UBR3: variants seen among roughly 807,000 people sequenced by gnomAD.
UBR3 encodes E3 ubiquitin-protein ligase UBR3.
In UBR3, 85 loss-of-function variants were observed where a neutral mutation model predicts 243.2. The ratio of observed to expected loss-of-function variants is 0.35; its 90% CI spans 0.29 to 0.42. The LOEUF (loss-of-function observed/expected upper bound fraction) is 0.42. Ranked by LOEUF, UBR3 falls within the 10% of genes least tolerant of loss-of-function variation. The probability of loss-of-function intolerance (pLI) is 1.00; values close to 1 mark genes in which losing one functional copy is unlikely to be tolerated. For synonymous variants in UBR3, 748 were observed against 799.8 expected (o/e 0.94, Z 1.09); for missense variants, 1,686 against 2,300.8 (o/e 0.73, Z 5.47).
At chr2:169,851,903 T>TGCACCGAA (rs1486105493) in intron 1 of UBR3, among the ~76,000 whole-genome samples, 1 of 151,872 alleles carries the variant, frequency 6.6e-6, no homozygotes, top group African/African-American at 2.4e-5. Context: ...AATTGGAGTG[T>TGCACCGAA]GCACCGAATA....
intron 24 of UBR3, among the ~76,000 whole-genome samples, chr2:169,969,548 CTT>C (rs199918460): frequency 8.9e-5 from 12 of 134,122 alleles, no homozygotes; most frequent in Admixed American, 7.5e-5. Context: ...CCATTTGTGT[CTT>C]TTTTTTTTTT....
At chr2:170,018,527 T>C (rs997407773) in intron 30 of UBR3, among the ~76,000 whole-genome samples, 5 of 152,182 alleles carry the variant, frequency 3.3e-5, no homozygotes, top group Admixed American at 3.3e-4. Context: ...TCTCATCTGC[T>C]GGACTTGTAT....
intron 29 of UBR3, chr2:170,015,064 G>A (rs1304226136): frequency 2.5e-6 from 1 of 401,642 alleles, no homozygotes; most frequent in Non-Finnish European, 4.4e-6. Context: ...TTTTTTGCAG[G>A]TGTAAATATG....
At chr2:169,861,348 G>A (rs1421096122) in intron 1 of UBR3, among the ~76,000 whole-genome samples, 2 of 152,156 alleles carry the variant, frequency 1.3e-5, no homozygotes, top group African/African-American at 2.4e-5. Context: ...GGTGGCTCAC[G>A]CCCGTAATCC....
At chr2:169,883,780 T>C (rs191707590) in intron 5 of UBR3, among the ~76,000 whole-genome samples, 1 of 152,346 alleles carries the variant, frequency 6.6e-6, no homozygotes, top group Admixed American at 6.5e-5. Flanking sequence ...TTTCCTTAAG[T>C]ATAGTAGTTA....
chr2:170,013,077 A>T (rs2090131987), intron 29 of UBR3, among the ~76,000 whole-genome samples: 1 of 152,134 alleles, frequency 6.6e-6, no homozygotes, highest in Non-Finnish European at 1.5e-5. Context: ...AAATATAGAA[A>T]AGAGTCTGCT....
chr2:169,966,541 A>G (rs572392431), intron 24 of UBR3, among the ~76,000 whole-genome samples: 1 of 152,274 alleles, frequency 6.6e-6, no homozygotes, highest in South Asian at 2.1e-4. Flanking sequence ...CTACATTATT[A>G]TTGAAAGCTT....
chr2:169,902,613 CTT>C (rs71006053), intron 8 of UBR3, among the ~76,000 whole-genome samples: 567 of 142,492 alleles, frequency 4.0e-3, no homozygotes, highest in African/African-American at 7.7e-3. Context: ...TCAGGAGAGT[CTT>C]TTTTTTTTTT....
chr2:169,853,942 G>A (rs1351032380), intron 1 of UBR3, among the ~76,000 whole-genome samples: 2 of 151,582 alleles, frequency 1.3e-5, no homozygotes, highest in African/African-American at 4.9e-5. Flanking sequence ...AACACCACAT[G>A]TTCTCACTCA....
chr2:169,923,813 T>C, intron 11 of UBR3, 116 bp from the exon 12 acceptor site: 5 of 935,724 alleles, frequency 5.3e-6, no homozygotes, highest in Non-Finnish European at 7.7e-6. Context: ...ATGTTAAGTT[T>C]TGAACTAAAA....
At chr2:170,071,123 A>AT (rs1354265645) in intron 35 of UBR3, among the ~76,000 whole-genome samples, 1 of 152,182 alleles carries the variant, frequency 6.6e-6, no homozygotes, top group Non-Finnish European at 1.5e-5. Context: ...TTCATTACTG[A>AT]TAGGAATGCA....
intron 1 of UBR3, among the ~76,000 whole-genome samples, chr2:169,868,475 T>G (rs1234306630): frequency 1.3e-5 from 2 of 152,214 alleles, no homozygotes; most frequent in Non-Finnish European, 2.9e-5. Flanking sequence ...CACGCCTGGC[T>G]AAGTTTTGTG....
chr2:170,060,319 A>G (rs1248843998), intron 33 of UBR3, among the ~76,000 whole-genome samples: 1 of 152,022 alleles, frequency 6.6e-6, no homozygotes, highest in Non-Finnish European at 1.5e-5. Context: ...AAAAGCCATT[A>G]TTTTTTCTTT....
At chr2:169,860,306 G>T (rs6721773) in intron 1 of UBR3, among the ~76,000 whole-genome samples, 148,721 of 152,258 alleles carry the variant, frequency 0.98, 72,717 homozygotes, top group East Asian at 1. Context: ...CTTCCTTAGT[G>T]AGGGTTGGAT....
intron 33 of UBR3, among the ~76,000 whole-genome samples, chr2:170,056,996 A>G (rs925714071): frequency 6.6e-6 from 1 of 152,002 alleles, no homozygotes; most frequent in Non-Finnish European, 1.5e-5. Context: ...GGGCACTTCT[A>G]TTTCAATTCT....
intron 24 of UBR3, 42 bp downstream of exon 24, chr2:169,958,568 T>C (rs1241035999): frequency 6.4e-7 from 1 of 1,553,562 alleles, no homozygotes; most frequent in Non-Finnish European, 8.8e-7. Context: ...TAATTATACT[T>C]ATTACTTTAG....
chr2:170,068,209 G>T (rs1231348166), intron 35 of UBR3, among the ~76,000 whole-genome samples: 3 of 152,008 alleles, frequency 2.0e-5, no homozygotes, highest in Non-Finnish European at 4.4e-5. Flanking sequence ...AGTGGCTTTC[G>T]TCTGTAATCC....
At chr2:169,937,501 CTT>C (rs1374946016) in intron 19 of UBR3, among the ~76,000 whole-genome samples, 3 of 152,170 alleles carry the variant, frequency 2.0e-5, no homozygotes, top group Non-Finnish European at 2.9e-5. Flanking sequence ...TGCAGAAACT[CTT>C]TAGTTTGATT....
chr2:169,993,791 T>C (rs1376426525), intron 25 of UBR3, among the ~76,000 whole-genome samples: 4 of 152,214 alleles, frequency 2.6e-5, no homozygotes, highest in Non-Finnish European at 4.4e-5. Context: ...TATTGTATTA[T>C]CTATTACTAT....
Sources: gnomAD v4.1 joint callset for allele counts (sites outside exome capture counted in the v4.1 genomes callset) on GRCh38, gnomAD v4.1.1 for gene constraint, MANE v1.5 for transcripts, NCBI Gene and HGNC (gene_info 2026-07-23, HGNC 2026-07-21) for gene names.